Variants in RYR2 observed in about 807,000 individuals in gnomAD.
RYR2 encodes ryanodine receptor 2, also known as cardiac muscle ryanodine receptor-calcium release channel.
Under a neutral mutation model 601.1 loss-of-function variants are expected in RYR2, and 227 were observed. The ratio of observed to expected loss-of-function variants is 0.38; its 90% confidence interval spans 0.34 to 0.42. The LOEUF (loss-of-function observed/expected upper bound fraction) is 0.42. Among genes scored for constraint, RYR2 ranks in the 10% least tolerant of loss-of-function variants. The pLI is 1.00. For synonymous variants in RYR2, 2,223 were observed against 2,175.1 expected (o/e 1.02, Z -0.61); for missense variants, 4,646 against 6,156.5 (o/e 0.75, Z 8.21).
intron 29 of RYR2, among the ~76,000 whole-genome samples, chr1:237,571,346 C>T (rs1363724244): frequency 7.1e-6 from 1 of 140,788 alleles, no homozygotes; most frequent in Non-Finnish European, 1.5e-5. Context: ...CAGAGTTTCA[C>T]TCTTGTTGCC....
intron 1 of RYR2, among the ~76,000 whole-genome samples, chr1:237,065,638 ATGG>A (rs1280651605): frequency 6.6e-6 from 1 of 152,048 alleles, no homozygotes; most frequent in African/African-American, 2.4e-5. Context: ...TCCCTAGCCC[ATGG>A]GAGCCACTGT....
chr1:237,288,157 T>C (rs929717698), intron 2 of RYR2, among the ~76,000 whole-genome samples: 15 of 152,336 alleles, frequency 9.8e-5, no homozygotes, highest in Admixed American at 9.2e-4. Context: ...AGTCCCATGA[T>C]GTGAACCTTC....
chr1:237,400,037 TACACAC>T (rs55730903), intron 10 of RYR2, among the ~76,000 whole-genome samples: 12 of 149,252 alleles, frequency 8.0e-5, no homozygotes, highest in South Asian at 6.4e-4. Context: ...GTTTAGAACT[TACACAC>T]ACACACACAC....
intron 14 of RYR2, among the ~76,000 whole-genome samples, chr1:237,453,586 G>A (rs561652144): frequency 1.3e-5 from 2 of 152,216 alleles, no homozygotes; most frequent in Admixed American, 1.3e-4. Context: ...ACTTGTCATG[G>A]CTATAGAATA....
intron 1 of RYR2, among the ~76,000 whole-genome samples, chr1:237,070,530 C>A (rs1394340753): frequency 6.6e-6 from 1 of 152,170 alleles, no homozygotes; most frequent in Admixed American, 6.5e-5. Context: ...CAGCTGGAAC[C>A]TCTGTGGCCA....
chr1:237,467,807 C>T (rs1394784698), intron 16 of RYR2, among the ~76,000 whole-genome samples: 3 of 151,828 alleles, frequency 2.0e-5, no homozygotes, highest in Admixed American at 6.6e-5. Flanking sequence ...CAGGCGGTAG[C>T]CTCAAACTTC....
chr1:237,559,943 G>A (rs913402880), intron 27 of RYR2, among the ~76,000 whole-genome samples: 1 of 152,198 alleles, frequency 6.6e-6, no homozygotes, highest in African/African-American at 2.4e-5. Context: ...GTAGGACAGA[G>A]ACTTCTTTAA....
chr1:237,182,606 C>A (rs1205257157), intron 1 of RYR2, among the ~76,000 whole-genome samples: 1 of 152,112 alleles, frequency 6.6e-6, no homozygotes, highest in Non-Finnish European at 1.5e-5. Flanking sequence ...GTATCACATA[C>A]TATATATTGT....
At chr1:237,391,132 G>A (rs74147257) in intron 10 of RYR2, among the ~76,000 whole-genome samples, 3,804 of 152,064 alleles carry the variant, frequency 0.025, 185 homozygotes, top group African/African-American at 0.088. Context: ...TCTAAATCTT[G>A]TTAATACCAT....
At chr1:237,407,746 A>C (rs545822641) in intron 10 of RYR2, among the ~76,000 whole-genome samples, 1 of 151,812 alleles carries the variant, frequency 6.6e-6, no homozygotes, top group Non-Finnish European at 1.5e-5. Flanking sequence ...CCTCCAGAGT[A>C]GCTATGACTA....
intron 37 of RYR2, among the ~76,000 whole-genome samples, chr1:237,616,768 A>G (rs2148610469): frequency 6.6e-6 from 1 of 152,342 alleles, no homozygotes; most frequent in Non-Finnish European, 1.5e-5. Context: ...TGAGTAATTT[A>G]TAAAGGGAAA....
chr1:237,223,704 A>C (rs1211518242), intron 1 of RYR2, among the ~76,000 whole-genome samples: 1 of 152,208 alleles, frequency 6.6e-6, no homozygotes, highest in Non-Finnish European at 1.5e-5. Flanking sequence ...TGTCAACTAG[A>C]AATTATATGG....
At chr1:237,270,372 A>C (rs1402553828) in intron 1 of RYR2, 125 bp from the exon 2 acceptor site, 5 of 1,344,628 alleles carry the variant, frequency 3.7e-6, no homozygotes, top group Admixed American at 2.0e-5. Context: ...TTTTTTTGAC[A>C]GTAGTTTTTA....
intron 29 of RYR2, among the ~76,000 whole-genome samples, chr1:237,587,235 G>GT (rs2148413250): frequency 6.6e-6 from 1 of 152,208 alleles, no homozygotes; most frequent in South Asian, 2.1e-4. Context: ...GAGGATTTCT[G>GT]TTACTGAATT....
chr1:237,752,023 A>C (rs935068448), intron 80 of RYR2, among the ~76,000 whole-genome samples: 12 of 152,214 alleles, frequency 7.9e-5, no homozygotes, highest in African/African-American at 2.9e-4. Flanking sequence ...TTGTGATCAC[A>C]AACTATAGGA....
At chr1:237,632,594 C>T (rs148541127) in intron 42 of RYR2, among the ~76,000 whole-genome samples, 3,045 of 151,766 alleles carry the variant, frequency 0.02, 71 homozygotes, top group African/African-American at 0.059. Context: ...AATGGGGTTT[C>T]GCCATGTTAG....
Position 237,565,179 on chromosome 1 carries a change from CTTTCTTTCTTTCTTTCTTT to C in RYR2, c.3215-1387_3215-1369del, listed in dbSNP as rs1470001013. 8.8e-3 allele frequency among the ~76,000 whole-genome samples: 1,063 copies of C among 120,178 alleles called. 31 individuals carry two copies. Among genetic ancestry groups the C allele is most frequent in the Non-Finnish European group, 0.013 (753 of 58,770 alleles). The allele number at this position is 120,178 out of a possible 152,430, so 78.8% of individuals were successfully genotyped here. A position where few individuals can be genotyped will look rare whatever the true frequency, so the allele number is the denominator to read the frequency against. ...TTTCTCTTTCTTTCTTTCTTTCTTT[CTTTCTTTCTTTCTTTCTTT>C]CTTTCTTTCTTTCTTTCTTTCTTTC... On this transcript the variant is annotated intron_variant, in intron 27 of 104. Coordinates refer to ENST00000366574, the MANE Select transcript of RYR2 (RefSeq NM_001035.3).
In RYR2 at chr1:237,784,621, A is replaced by G; in HGVS notation, c.12909A>G (p.Arg4303=). Residue 4303 remains arginine, a synonymous_variant, in exon 90 of 105, where the codon AGA becomes AGG. Coordinates refer to ENST00000366574, the MANE Select transcript of RYR2 (RefSeq NM_001035.3). This position sits in a 1 kb window ranked among gnomAD's most constrained non-coding sequence, Gnocchi z 7.1. ...TLLHFVASVF[R]GFFRIICSLL... is the part of the protein sequence containing the mutation. ...TGCACTTCGTGGCCAGCGTTTTCAG[A>G]GGCTTTTTCCGCATCATTTGCAGCC... The G allele has an allele frequency of 6.2e-7, 1 of 1,613,842 alleles. No homozygotes were observed. The highest frequency in any genetic ancestry group is 1.1e-5 in the South Asian group (1 of 91,072).
At chr1:237,434,545 G>T (rs893779129) in intron 12 of RYR2, among the ~76,000 whole-genome samples, 2 of 152,110 alleles carry the variant, frequency 1.3e-5, no homozygotes, top group African/African-American at 4.8e-5. Context: ...TGAAATGTTT[G>T]TTTTAATCAT....
Sources: gnomAD v4.1 joint callset for allele counts (sites outside exome capture counted in the v4.1 genomes callset) on GRCh38, gnomAD v4.1.1 for gene constraint, Gnocchi (gnomAD v3.1) non-coding constraint, MANE v1.5 for transcripts, NCBI Gene and HGNC (gene_info 2026-07-23, HGNC 2026-07-21) for gene names.